The following CNGB3 variants were observed in gnomAD, a reference collection of about 807,000 sequenced individuals.
The protein encoded by CNGB3 is cyclic nucleotide-gated channel beta-3.
Under a neutral mutation model 92.8 loss-of-function variants are expected in CNGB3, and 86 were observed. That is an observed-to-expected ratio of 0.93 (90% CI 0.78 to 1.11). The LOEUF is 1.11. CNGB3 is among the 50% of genes least tolerant of loss of function. CNGB3 has a pLI of 0.00. For synonymous variants in CNGB3, 333 were observed against 332.7 expected, an observed-to-expected ratio of 1.00 and a Z score of -0.01; for missense variants, 1,026 against 956.8, an observed-to-expected ratio of 1.07 and a Z score of -0.95.
At position 86,628,973 on chromosome 8, in the gene CNGB3, G is replaced by A. The variant is rs1554610284; in HGVS notation, c.1426C>T (p.Gln476Ter). 6.2e-6 allele frequency: 10 copies of A among 1,613,932 alleles called. No individual in the cohort carries two copies. Among genetic ancestry groups the A allele is most frequent in the Non-Finnish European group, 8.5e-6 (10 of 1,179,914 alleles). The stretch of plus-strand genomic sequence containing the variant: ...TCATACCAAGTCCGAACTCGCTTTT[G>A]CACAAGTTTAGGAATGGAGTAATTG... ...MNNYSIPKLV[Q>*]KRVRTWYEYT... The change falls in exon 12 of 18, where the codon CAA becomes TAA. Residue 476 changes from glutamine (Q) to a stop codon, truncating the protein, a stop_gained. Transcript: ENST00000320005. LOFTEE classifies it high-confidence loss of function.
intron 3 of CNGB3, among the ~76,000 whole-genome samples, chr8:86,695,358 TA>T (rs1303443173): frequency 1.0e-5 from 1 of 98,652 alleles, no homozygotes; most frequent in Non-Finnish European, 1.9e-5. Context: ...GTTCATTTTT[TA>T]AAAAATTATT....
chr8:86,624,275 T>G (rs967209817), intron 13 of CNGB3, among the ~76,000 whole-genome samples: 2 of 152,000 alleles, frequency 1.3e-5, no homozygotes, highest in Admixed American at 1.3e-4. Flanking sequence ...AAAAATTAGC[T>G]GGGTGTGGTG....
At chr8:86,729,226 A>C (rs1407700560) in intron 2 of CNGB3, among the ~76,000 whole-genome samples, 1 of 152,134 alleles carries the variant, frequency 6.6e-6, no homozygotes, top group Non-Finnish European at 1.5e-5. Context: ...AGCCACATGG[A>C]TATAAGCTGC....
At chr8:86,637,863 A>C (rs1823103004) in intron 10 of CNGB3, among the ~76,000 whole-genome samples, 1 of 152,166 alleles carries the variant, frequency 6.6e-6, no homozygotes, top group Non-Finnish European at 1.5e-5. Context: ...AGTTCTCTCA[A>C]TTCTTTTCCC....
At chr8:86,704,499 T>A (rs1440067399) in intron 3 of CNGB3, 1 of 152,212 alleles carries the variant, frequency 6.6e-6, no homozygotes, top group Non-Finnish European at 1.5e-5. Context: ...GATAAAAACA[T>A]GGCTGTAATG....
At chr8:86,711,128 T>C (rs1042153511) in intron 3 of CNGB3, among the ~76,000 whole-genome samples, 28 of 152,192 alleles carry the variant, frequency 1.8e-4, no homozygotes, top group Admixed American at 8.5e-4. Flanking sequence ...CTAGGCCCCC[T>C]TTTCCATATG....
chr8:86,708,679 C>T (rs1017730504), intron 3 of CNGB3, among the ~76,000 whole-genome samples: 1 of 150,450 alleles, frequency 6.6e-6, no homozygotes, highest in Non-Finnish European at 1.5e-5. Flanking sequence ...GTGATCCTCT[C>T]GCCTCAGACC....
At chr8:86,617,233 C>G (rs551807448) in intron 13 of CNGB3, among the ~76,000 whole-genome samples, 68 of 152,252 alleles carry the variant, frequency 4.5e-4, no homozygotes, top group African/African-American at 1.5e-3. Context: ...AAAATGTTTC[C>G]TTGGAATGCG....
intron 3 of CNGB3, among the ~76,000 whole-genome samples, chr8:86,705,769 C>T (rs1475526271): frequency 6.6e-6 from 1 of 152,098 alleles, no homozygotes; most frequent in African/African-American, 2.4e-5. Context: ...GGCCTTAGGT[C>T]GGCAGTGAGA....
chr8:86,662,598 G>C (rs1823663528), intron 6 of CNGB3, among the ~76,000 whole-genome samples: 1 of 152,116 alleles, frequency 6.6e-6, no homozygotes, highest in African/African-American at 2.4e-5. Flanking sequence ...CAGGTGGGAG[G>C]GGGTTGCTGG....
chr8:86,616,634 C>T (rs1822628002), intron 13 of CNGB3, among the ~76,000 whole-genome samples: 1 of 151,994 alleles, frequency 6.6e-6, no homozygotes, highest in African/African-American at 2.4e-5. Flanking sequence ...TCTCTTTTTT[C>T]TATAAAGTGA....
intron 10 of CNGB3, among the ~76,000 whole-genome samples, chr8:86,633,722 A>G (rs1563734485): frequency 6.6e-6 from 1 of 152,200 alleles, no homozygotes; most frequent in Non-Finnish European, 1.5e-5. Flanking sequence ...AAACTACTAC[A>G]CTATTGATTT....
chr8:86,607,900 A>G (rs1008532320), intron 14 of CNGB3, among the ~76,000 whole-genome samples: 1 of 152,196 alleles, frequency 6.6e-6, no homozygotes, highest in African/African-American at 2.4e-5. Context: ...TAAGCAAAAC[A>G]AAGCTGACTT....
chr8:86,739,769 G>A, intron 1 of CNGB3, 33 bp from the exon 2 acceptor site: 5 of 1,601,046 alleles, frequency 3.1e-6, no homozygotes, highest in African/African-American at 1.3e-5. Context: ...TGTATGTGAT[G>A]AATTTACATA....
At chr8:86,660,003 C>A in intron 6 of CNGB3, 1 of 348,238 alleles carries the variant, frequency 2.9e-6, no homozygotes, top group South Asian at 2.5e-5. Context: ...CCAATGTCAG[C>A]ATCATGATTC....
At chr8:86,607,537 C>A (rs1203033326) in intron 14 of CNGB3, among the ~76,000 whole-genome samples, 1 of 152,138 alleles carries the variant, frequency 6.6e-6, no homozygotes, top group Non-Finnish European at 1.5e-5. Context: ...AAGTGTGGTT[C>A]CTGGGTCAGC....
intron 3 of CNGB3, among the ~76,000 whole-genome samples, chr8:86,685,752 A>G (rs1824175682): frequency 6.6e-6 from 1 of 152,072 alleles, no homozygotes; most frequent in Non-Finnish European, 1.5e-5. Flanking sequence ...AATAATTAGA[A>G]CTCAATGTTT....
At chr8:86,692,516 G>A (rs1055623398) in intron 3 of CNGB3, among the ~76,000 whole-genome samples, 3 of 152,116 alleles carry the variant, frequency 2.0e-5, no homozygotes, top group African/African-American at 7.2e-5. Context: ...TTGCTTTAAA[G>A]TCTTTTTTGT....
chr8:86,644,504 C>T, intron 9 of CNGB3, 118 bp downstream of exon 9: 1 of 1,352,322 alleles, frequency 7.4e-7, no homozygotes, highest in South Asian at 1.3e-5. Context: ...TTTATATAGC[C>T]AAAGCTGAAA....
Sources: allele counts gnomAD v4.1 joint callset (sites outside exome capture counted in the v4.1 genomes callset), GRCh38; gene constraint gnomAD v4.1.1; transcripts MANE v1.5; gene names NCBI Gene and HGNC (gene_info 2026-07-23, HGNC 2026-07-21).